ERBB4: variants seen among roughly 807,000 people sequenced by gnomAD.
ERBB4 encodes erb-b2 receptor tyrosine kinase 4.
ERBB4 carries 42 observed loss-of-function variants against 158.0 expected under a neutral mutation model. The ratio of observed to expected loss-of-function variants is 0.27; its 90% CI spans 0.21 to 0.34. The LOEUF is 0.34. Among genes scored for constraint, ERBB4 ranks in the 10% least tolerant of loss-of-function variants. The pLI, the probability that ERBB4 is intolerant of heterozygous loss-of-function variation, is 1.00. For missense variants in ERBB4, 1,333 were observed against 1,624.1 expected (o/e 0.82, Z 3.08); for synonymous variants, 583 against 558.7 (o/e 1.04, Z -0.61).
chr2:212,008,335 C>T (rs2076303339), intron 2 of ERBB4, among the ~76,000 whole-genome samples: 1 of 151,866 alleles, frequency 6.6e-6, no homozygotes, highest in Admixed American at 6.6e-5. Flanking sequence ...CACTCATTGG[C>T]CAAATGTGTT....
chr2:211,905,587 G>T (rs2079357936), intron 3 of ERBB4, among the ~76,000 whole-genome samples: 1 of 137,174 alleles, frequency 7.3e-6, no homozygotes, highest in Admixed American at 7.8e-5. Context: ...TTAAGTATCT[G>T]TATAAATACA....
intron 1 of ERBB4, among the ~76,000 whole-genome samples, chr2:212,224,184 A>C (rs1346680897): frequency 1.3e-5 from 2 of 151,984 alleles, no homozygotes; most frequent in Non-Finnish European, 2.9e-5. Flanking sequence ...ATAAAAAGCC[A>C]GTTCAAGAAT....
intron 9 of ERBB4, among the ~76,000 whole-genome samples, chr2:211,709,470 C>A (rs1054691706): frequency 6.6e-6 from 1 of 151,698 alleles, no homozygotes; most frequent in Non-Finnish European, 1.5e-5. Context: ...TTAGCCTTGG[C>A]AGGTCACTTT....
chr2:212,537,758 T>C (rs1243737127), intron 1 of ERBB4, among the ~76,000 whole-genome samples: 1 of 151,618 alleles, frequency 6.6e-6, no homozygotes, highest in Non-Finnish European at 1.5e-5. Context: ...CTTTTTTTTT[T>C]TTTTTAAGAG....
chr2:211,775,078 G>A (rs1294263581), intron 4 of ERBB4, among the ~76,000 whole-genome samples: 1 of 152,174 alleles, frequency 6.6e-6, no homozygotes, highest in Non-Finnish European at 1.5e-5. Flanking sequence ...CAAAAGAGTT[G>A]TCCCTCTCTA....
intron 1 of ERBB4, among the ~76,000 whole-genome samples, chr2:212,499,987 A>G (rs1165594602): frequency 6.6e-6 from 1 of 152,140 alleles, no homozygotes; most frequent in Non-Finnish European, 1.5e-5. Flanking sequence ...GACACCATAC[A>G]TTAACACACA....
chr2:211,612,266 G>A (rs1403753784), intron 19 of ERBB4, among the ~76,000 whole-genome samples: 14 of 151,982 alleles, frequency 9.2e-5, no homozygotes, highest in Admixed American at 9.2e-4. Flanking sequence ...AATTAACCAA[G>A]TAGTTATTCT....
chr2:211,984,849 A>G (rs1001705629), intron 2 of ERBB4, among the ~76,000 whole-genome samples: 2 of 151,960 alleles, frequency 1.3e-5, no homozygotes, highest in African/African-American at 4.8e-5. Flanking sequence ...CAGCCTCCCA[A>G]GTAGCTGGAA....
chr2:212,528,953 A>G (rs1265582464), intron 1 of ERBB4, among the ~76,000 whole-genome samples: 1 of 152,212 alleles, frequency 6.6e-6, no homozygotes, highest in Non-Finnish European at 1.5e-5. Context: ...ATTATCACAT[A>G]TATCTAGGAA....
chr2:212,359,450 T>G (rs1016289102), intron 1 of ERBB4, among the ~76,000 whole-genome samples: 7 of 128,296 alleles, frequency 5.5e-5, no homozygotes, highest in African/African-American at 2.5e-4. Context: ...TTCAAATTGC[T>G]GAACATGAAT....
intron 1 of ERBB4, among the ~76,000 whole-genome samples, chr2:212,395,759 A>G (rs2106448794): frequency 6.6e-6 from 1 of 151,980 alleles, no homozygotes; most frequent in Admixed American, 6.6e-5. Context: ...AGCTGGGACT[A>G]CAGACATGTG....
At chr2:212,146,246 T>C (rs1478194604) in intron 1 of ERBB4, among the ~76,000 whole-genome samples, 3 of 152,232 alleles carry the variant, frequency 2.0e-5, no homozygotes, top group African/African-American at 7.2e-5. Context: ...TAATGCCCAC[T>C]ATTTCTCTTA....
In ERBB4 at chr2:212,217,315, C is replaced by T. The variant is rs1052536725; in HGVS notation, c.83-92412G>A. On this transcript the variant is annotated intron_variant, in intron 1 of 27. Transcript: ENST00000342788. ...TCCAATATCTTTGTGTCATCACCCA[C>T]CAAAGCTTCTTAACATCTTTGCAAG... Among the ~76,000 whole-genome samples the T allele has an allele frequency of 2.0e-5, 3 of 151,252 alleles. No homozygotes were observed. The Admixed American group carries it at 2.0e-4, about 10-fold the overall frequency.
intron 4 of ERBB4, among the ~76,000 whole-genome samples, chr2:211,760,522 A>C (rs2075383697): frequency 6.6e-6 from 1 of 152,218 alleles, no homozygotes. Flanking sequence ...GATCAATGTA[A>C]ATTCTTGCAT....
rs181033888 is a variant in ERBB4, at chr2:212,225,016, T to C, written c.83-100113A>G. 5.8e-3 allele frequency among the ~76,000 whole-genome samples: 885 copies of C among 152,184 alleles called. 6 individuals are homozygous for C. Among genetic ancestry groups the C allele is most frequent in the Middle Eastern group, 0.024 (7 of 294 alleles). ...TGTCAATAAAAATTCAATTTTTTCC[T>C]GAACCATTTTTTATTAAATTAGCTC... On this transcript the variant is annotated intron_variant, in intron 1 of 27. Transcript: ENST00000342788.
intron 3 of ERBB4, among the ~76,000 whole-genome samples, chr2:211,805,147 G>A (rs557209163): frequency 6.6e-6 from 1 of 152,240 alleles, no homozygotes; most frequent in East Asian, 1.9e-4. Context: ...TCAAACTCCT[G>A]ACTTCAAGTG....
chr2:211,998,939 A>G (rs1388369490), intron 2 of ERBB4, among the ~76,000 whole-genome samples: 1 of 151,952 alleles, frequency 6.6e-6, no homozygotes, highest in Non-Finnish European at 1.5e-5. Context: ...CAAAATAACA[A>G]CAATGCTAGT....
intron 3 of ERBB4, among the ~76,000 whole-genome samples, chr2:211,806,339 T>C (rs190903049): frequency 3.0e-4 from 46 of 152,288 alleles, no homozygotes; most frequent in East Asian, 2.7e-3. Context: ...CTTCAAATAC[T>C]AAGTGAAATT....
intron 16 of ERBB4, among the ~76,000 whole-genome samples, chr2:211,652,744 T>A (rs1355882747): frequency 6.6e-6 from 1 of 152,104 alleles, no homozygotes; most frequent in Non-Finnish European, 1.5e-5. Context: ...TTACTTTATA[T>A]TGTGAAGCAC....
Sources: gnomAD v4.1 joint callset for allele counts (sites outside exome capture counted in the v4.1 genomes callset) on GRCh38, gnomAD v4.1.1 for gene constraint, MANE v1.5 for transcripts, NCBI Gene and HGNC (gene_info 2026-07-23, HGNC 2026-07-21) for gene names.